The following FBXL17 variants were observed in gnomAD, a reference collection of about 807,000 sequenced individuals.
FBXL17 encodes F-box/LRR-repeat protein 17.
In FBXL17, 22 loss-of-function variants were observed where a neutral mutation model predicts 66.2. That is an observed-to-expected ratio of 0.33 (90% confidence interval 0.24 to 0.47). The LOEUF is 0.47. Ranked by LOEUF, FBXL17 falls within the 20% of genes least tolerant of loss-of-function variation. The pLI, the probability that FBXL17 is intolerant of heterozygous loss-of-function variation, is 1.00. For missense variants in FBXL17, 878 were observed against 948.2 expected (o/e 0.93, Z 0.97); for synonymous variants, 474 against 400.5 (o/e 1.18, Z -2.19).
intron 7 of FBXL17, among the ~76,000 whole-genome samples, chr5:107,989,255 C>T (rs1753136337): frequency 6.6e-6 from 1 of 151,962 alleles, no homozygotes; most frequent in Non-Finnish European, 1.5e-5. Context: ...TTTAACGTAT[C>T]TTCGTACCTA....
intron 6 of FBXL17, among the ~76,000 whole-genome samples, chr5:108,041,814 T>C (rs1383880670): frequency 6.6e-6 from 1 of 152,190 alleles, no homozygotes; most frequent in Non-Finnish European, 1.5e-5. Context: ...AATTTTATAG[T>C]AAACACCATT....
At chr5:108,153,906 T>G (rs1751864298) in intron 6 of FBXL17, among the ~76,000 whole-genome samples, 1 of 152,190 alleles carries the variant, frequency 6.6e-6, no homozygotes, top group South Asian at 2.1e-4. Flanking sequence ...ACCAACTAGG[T>G]GTCCAGGGCC....
At chr5:108,010,693 G>A (rs1406380310) in intron 7 of FBXL17, among the ~76,000 whole-genome samples, 1 of 151,984 alleles carries the variant, frequency 6.6e-6, no homozygotes, top group Non-Finnish European at 1.5e-5. Flanking sequence ...TTGACATAAC[G>A]AGTCCATGTC....
chr5:108,034,169 C>A (rs1057290796), intron 6 of FBXL17, among the ~76,000 whole-genome samples: 3 of 152,274 alleles, frequency 2.0e-5, no homozygotes, highest in Non-Finnish European at 4.4e-5. Context: ...AACTTCAGGA[C>A]ACACACCTTT....
intron 6 of FBXL17, among the ~76,000 whole-genome samples, chr5:108,135,822 A>G (rs1217827923): frequency 6.6e-6 from 1 of 152,114 alleles, no homozygotes; most frequent in Non-Finnish European, 1.5e-5. Flanking sequence ...GACATATCTG[A>G]TCTCCCATAA....
At position 108,198,141 on chromosome 5, in the gene FBXL17, T is replaced by C. The variant is rs1245652443; in HGVS notation, c.1615-11894A>G. On this transcript the variant is annotated intron_variant, in intron 5 of 8. Coordinates refer to ENST00000542267, the MANE Select transcript of FBXL17 (RefSeq NM_001163315.3). ...TGAGGCCCCCGTCAACAGGTCCCTA[T>C]GGCTTCTCTCTGTAGAAGAGGTTTA... 7.2e-5 allele frequency among the ~76,000 whole-genome samples: 11 copies of C among 152,294 alleles called. No individual in the cohort carries two copies. In the East Asian group the frequency reaches 1.9e-3, roughly 27 times the overall value.
chr5:107,863,970 C>A (rs1385053435), intron 8 of FBXL17, among the ~76,000 whole-genome samples: 1 of 152,240 alleles, frequency 6.6e-6, no homozygotes, highest in Non-Finnish European at 1.5e-5. Context: ...TTGCCTATCT[C>A]TTCCACCTGA....
chr5:108,111,728 A>T (rs200008395), intron 6 of FBXL17, among the ~76,000 whole-genome samples: 2 of 152,300 alleles, frequency 1.3e-5, no homozygotes, highest in East Asian at 3.9e-4. Context: ...AGGCTACGGG[A>T]CCACACTTGA....
chr5:108,168,260 G>A lies in FBXL17; in HGVS notation c.1745+17857C>T, dbSNP rs371134180. Among the ~76,000 whole-genome samples, 35 of 152,228 alleles carry A rather than the reference G, an allele frequency of 2.3e-4. No individual in the cohort carries two copies. The South Asian group carries it at 7.0e-3, about 31-fold the overall frequency. On this transcript the variant is annotated intron_variant, in intron 6 of 8. Coordinates refer to ENST00000542267, the MANE Select transcript of FBXL17 (RefSeq NM_001163315.3). ...TAAATACTTAAAGTCAAACAACCCA[G>A]TTGAATACACCTACTCTCTTGAAAT...
chr5:107,880,475 AG>A, intron 8 of FBXL17: 1 of 994,316 alleles, frequency 1.0e-6, no homozygotes. Context: ...GCCTTCCACC[AG>A]GACCTCTGGA....
chr5:108,121,773 G>A (rs1288229632), intron 6 of FBXL17, among the ~76,000 whole-genome samples: 2 of 152,102 alleles, frequency 1.3e-5, no homozygotes, highest in Non-Finnish European at 2.9e-5. Flanking sequence ...TAGCCAGGAT[G>A]GTCTTGATCT....
chr5:108,044,141 T>A (rs1747154286), intron 6 of FBXL17, among the ~76,000 whole-genome samples: 1 of 152,190 alleles, frequency 6.6e-6, no homozygotes, highest in African/African-American at 2.4e-5. Flanking sequence ...AGGGGCAGTT[T>A]CATTTATTCC....
chr5:107,947,240 T>C (rs1174907458), intron 7 of FBXL17, among the ~76,000 whole-genome samples: 3 of 152,244 alleles, frequency 2.0e-5, no homozygotes, highest in Non-Finnish European at 4.4e-5. Flanking sequence ...CTCAGCTTCT[T>C]GTGTATTAAG....
intron 6 of FBXL17, among the ~76,000 whole-genome samples, chr5:108,140,852 A>G (rs1751323586): frequency 6.6e-6 from 1 of 151,482 alleles, no homozygotes; most frequent in African/African-American, 2.4e-5. Context: ...TTTACTCCCC[A>G]CATCAAATCA....
chr5:107,991,305 A>C (rs1024567005), intron 7 of FBXL17, among the ~76,000 whole-genome samples: 7 of 152,162 alleles, frequency 4.6e-5, no homozygotes, highest in South Asian at 2.1e-4. Context: ...CATGAGAAGA[A>C]ACCCACAAGA....
intron 7 of FBXL17, among the ~76,000 whole-genome samples, chr5:107,934,115 C>A (rs1750818875): frequency 6.6e-6 from 1 of 152,146 alleles, no homozygotes; most frequent in Non-Finnish European, 1.5e-5. Flanking sequence ...ATACTTCTCT[C>A]ATAATTGACT....
intron 6 of FBXL17, among the ~76,000 whole-genome samples, chr5:108,162,183 G>A (rs1752241700): frequency 6.6e-6 from 1 of 152,142 alleles, no homozygotes; most frequent in South Asian, 2.1e-4. Flanking sequence ...TATTCCAAAT[G>A]CTGGATCAAG....
At chr5:108,328,729 T>G (rs1404117263) in intron 4 of FBXL17, among the ~76,000 whole-genome samples, 1 of 152,066 alleles carries the variant, frequency 6.6e-6, no homozygotes, top group Non-Finnish European at 1.5e-5. Flanking sequence ...CAAGGATTAT[T>G]TGGGCCTCTT....
intron 4 of FBXL17, among the ~76,000 whole-genome samples, chr5:108,306,222 T>C (rs959923504): frequency 2.0e-5 from 3 of 152,052 alleles, no homozygotes; most frequent in Admixed American, 6.6e-5. Flanking sequence ...TGGGGGAAAA[T>C]ACACTTCCAA....
Sources: gnomAD v4.1 joint callset for allele counts (sites outside exome capture counted in the v4.1 genomes callset) on GRCh38, gnomAD v4.1.1 for gene constraint, MANE v1.5 for transcripts, NCBI Gene and HGNC (gene_info 2026-07-23, HGNC 2026-07-21) for gene names.